NCK2: variants seen among roughly 807,000 people sequenced by gnomAD.
NCK2 encodes NCK adaptor protein 2, also known as cytoplasmic protein NCK2.
A neutral mutation model predicts 33.9 loss-of-function variants in NCK2; 16 were observed. The observed-to-expected ratio is 0.47, with a 90% CI of 0.32 to 0.72. The LOEUF is 0.72. Among genes scored for constraint, NCK2 ranks in the 30% least tolerant of loss-of-function variants. NCK2 has a pLI of 0.03. For synonymous variants in NCK2, 273 were observed against 239.9 expected, an observed-to-expected ratio of 1.14 and a Z score of -1.27; for missense variants, 418 against 537.3, an observed-to-expected ratio of 0.78 and a Z score of 2.19.
chr2:105,873,764 A>G (rs900841868), intron 3 of NCK2, among the ~76,000 whole-genome samples: 1 of 152,184 alleles, frequency 6.6e-6, no homozygotes. Flanking sequence ...GGGAAGTACG[A>G]TTGGATCCAG....
At chr2:105,842,794 C>G (rs1676698487) in intron 2 of NCK2, among the ~76,000 whole-genome samples, 1 of 151,880 alleles carries the variant, frequency 6.6e-6, no homozygotes, top group South Asian at 2.1e-4. Flanking sequence ...GGGACGGGAC[C>G]CAGCCCGTGG....
intron 2 of NCK2, among the ~76,000 whole-genome samples, chr2:105,830,343 T>C (rs1229026507): frequency 6.6e-6 from 1 of 152,238 alleles, no homozygotes; most frequent in Non-Finnish European, 1.5e-5. Flanking sequence ...GCCTGACTTA[T>C]TTCATGTAAT....
At chr2:105,816,248 G>A (rs1573625916) in intron 1 of NCK2, among the ~76,000 whole-genome samples, 182 bp from the exon 2 acceptor site, 1 of 152,174 alleles carries the variant, frequency 6.6e-6, no homozygotes, top group Non-Finnish European at 1.5e-5. Context: ...GCAAGTTGCC[G>A]TGAAGTAAGA....
intron 3 of NCK2, 80 bp downstream of exon 3, chr2:105,855,369 C>CAA (rs3832068): frequency 0.16 from 115,108 of 728,276 alleles, 3,343 homozygotes; most frequent in African/African-American, 0.3. Context: ...TTTGCTGTTT[C>CAA]AAAAAAAAAA....
intron 2 of NCK2, among the ~76,000 whole-genome samples, chr2:105,850,868 C>CT (rs765924655): frequency 6.6e-6 from 1 of 152,128 alleles, no homozygotes; most frequent in African/African-American, 2.4e-5. Flanking sequence ...CATCTGCAGT[C>CT]TCTTTCTGTT....
At chr2:105,789,292 A>G (rs1332046078) in intron 1 of NCK2, among the ~76,000 whole-genome samples, 1 of 152,092 alleles carries the variant, frequency 6.6e-6, no homozygotes, top group Non-Finnish European at 1.5e-5. Flanking sequence ...GGTTCAAGCA[A>G]TTCTCCTGCC....
intron 2 of NCK2, among the ~76,000 whole-genome samples, chr2:105,827,034 C>G (rs1395439395): frequency 6.6e-6 from 1 of 151,722 alleles, no homozygotes; most frequent in African/African-American, 2.4e-5. Context: ...GAGTCTTGCT[C>G]TGTTGCCCAG....
intron 1 of NCK2, among the ~76,000 whole-genome samples, chr2:105,788,274 C>G (rs1380201943): frequency 2.0e-5 from 3 of 152,164 alleles, no homozygotes; most frequent in Non-Finnish European, 4.4e-5. Context: ...CTTGAAACTT[C>G]TACACCCATA....
At chr2:105,773,501 G>C (rs1215389443) in intron 1 of NCK2, among the ~76,000 whole-genome samples, 1 of 152,090 alleles carries the variant, frequency 6.6e-6, no homozygotes, top group Non-Finnish European at 1.5e-5. Flanking sequence ...GGTAACTTCA[G>C]TGTCATAGAA....
intron 2 of NCK2, among the ~76,000 whole-genome samples, chr2:105,835,425 T>TATA (rs1175205835): frequency 3.7e-4 from 4 of 10,958 alleles, no homozygotes; most frequent in African/African-American, 5.9e-4. Context: ...ATATATATAT[T>TATA]TTTTTTTTGG....
chr2:105,754,155 T>G (rs942779998), intron 1 of NCK2, among the ~76,000 whole-genome samples: 2 of 152,226 alleles, frequency 1.3e-5, no homozygotes, highest in African/African-American at 4.8e-5. Flanking sequence ...TTGGGCAGTT[T>G]CTTTCAACTC....
intron 1 of NCK2, among the ~76,000 whole-genome samples, chr2:105,757,095 G>A (rs1304029021): frequency 1.3e-5 from 2 of 152,070 alleles, no homozygotes; most frequent in Admixed American, 1.3e-4. Context: ...GTGAGCCACC[G>A]CGCCTGGCCC....
intron 1 of NCK2, among the ~76,000 whole-genome samples, chr2:105,787,069 C>T (rs1690705506): frequency 6.6e-6 from 1 of 152,248 alleles, no homozygotes; most frequent in Non-Finnish European, 1.5e-5. Flanking sequence ...CCTCTGCTGT[C>T]TTGCTCTGCC....
intron 3 of NCK2, among the ~76,000 whole-genome samples, chr2:105,874,325 T>C (rs1257088814): frequency 1.3e-5 from 2 of 152,250 alleles, no homozygotes; most frequent in African/African-American, 4.8e-5. Context: ...ATATTCTGAC[T>C]CTTATATGGA....
At chr2:105,788,672 A>G (rs1188671955) in intron 1 of NCK2, among the ~76,000 whole-genome samples, 2 of 152,164 alleles carry the variant, frequency 1.3e-5, no homozygotes, top group African/African-American at 4.8e-5. Flanking sequence ...GCCTTCTCCT[A>G]GAGTTTTCTA....
At chr2:105,774,953 A>G (rs565681924) in intron 1 of NCK2, among the ~76,000 whole-genome samples, 1 of 150,612 alleles carries the variant, frequency 6.6e-6, no homozygotes, top group Non-Finnish European at 1.5e-5. Context: ...CCAGTGCAGG[A>G]GGATCAGTTG....
At chr2:105,854,950 G>A in intron 2 of NCK2, 98 bp from the exon 3 acceptor site, 1 of 818,384 alleles carries the variant, frequency 1.2e-6, no homozygotes, top group Non-Finnish European at 2.0e-6. Flanking sequence ...TTGCAGAGTT[G>A]TAATAAAAGC....
At chr2:105,791,715 TG>T (rs1690890146) in intron 1 of NCK2, among the ~76,000 whole-genome samples, 2 of 152,194 alleles carry the variant, frequency 1.3e-5, no homozygotes, top group South Asian at 4.1e-4. Flanking sequence ...GGCAAATCAG[TG>T]GTATACATTC....
In NCK2 at chr2:105,881,491, G is replaced by A; in HGVS notation, c.390G>A (p.Leu130=). The part of the protein sequence containing the change: ...FAYVAEREDE[L]SLVKGSRVTV... ...ATGTGGCCGAGCGGGAGGATGAGTTGTCCCTGGTGAAGGGGTCGCGCGTCA... is the reference window on the plus strand; with the variant it reads ...ATGTGGCCGAGCGGGAGGATGAGTTATCCCTGGTGAAGGGGTCGCGCGTCA... Residue 130 remains leucine (L), a synonymous_variant, in exon 4 of 5, where the codon TTG becomes TTA. Coordinates refer to ENST00000233154, the MANE Select transcript of NCK2 (RefSeq NM_003581.5). 6.2e-7 allele frequency: 1 copy of A among 1,614,010 alleles called. No individual in the cohort carries two copies. Among genetic ancestry groups the A allele is most frequent in the Non-Finnish European group, 8.5e-7 (1 of 1,180,010 alleles).
Sources: allele counts gnomAD v4.1 joint callset (sites outside exome capture counted in the v4.1 genomes callset), GRCh38; gene constraint gnomAD v4.1.1; transcripts MANE v1.5; gene names NCBI Gene and HGNC (gene_info 2026-07-23, HGNC 2026-07-21).